Variants in AKAP7 observed in about 807,000 individuals in gnomAD.
The protein encoded by AKAP7 is A-kinase anchoring protein 7.
Under a neutral mutation model 39.5 loss-of-function variants are expected in AKAP7, and 39 were observed. That is an observed-to-expected ratio of 0.99 (90% CI 0.76 to 1.29). The LOEUF is 1.29. Ranked by LOEUF, AKAP7 falls within the 50% of genes most tolerant of loss-of-function variation. The pLI, the probability that AKAP7 is intolerant of heterozygous loss-of-function variation, is 0.00. For missense variants in AKAP7, 414 were observed against 407.7 expected (o/e 1.02, Z -0.13); for synonymous variants, 140 against 139.1 (o/e 1.01, Z -0.05).
At chr6:131,223,586 TG>T (rs1809892347) in intron 7 of AKAP7, among the ~76,000 whole-genome samples, 1 of 152,188 alleles carries the variant, frequency 6.6e-6, no homozygotes, top group Non-Finnish European at 1.5e-5. Context: ...CAAGTTTTGA[TG>T]AGGACCAAAC....
intron 7 of AKAP7, among the ~76,000 whole-genome samples, chr6:131,275,705 A>G (rs1364264616): frequency 1.3e-5 from 2 of 152,188 alleles, no homozygotes; most frequent in East Asian, 1.9e-4. Flanking sequence ...TGTGGAGGGC[A>G]CAAGTCACAG....
At chr6:131,265,366 C>A (rs913248282) in intron 7 of AKAP7, among the ~76,000 whole-genome samples, 1 of 152,224 alleles carries the variant, frequency 6.6e-6, no homozygotes, top group Admixed American at 6.5e-5. Context: ...AGCTCCTGAC[C>A]TCAAGTGATC....
At position 131,135,494 on chromosome 6, in the gene AKAP7, A is replaced by ATGCGGGTGC. The variant is rs924318481; in HGVS notation, c.-264_-256dup. On this transcript the variant is annotated 5_prime_UTR_variant, in exon 1 of 8. Coordinates refer to ENST00000431975, the MANE Select transcript of AKAP7 (RefSeq NM_016377.4). ...GGCTTGTTCCGGCGTCCGGCCTGGC[A>ATGCGGGTGC]TGCGGGTGCTGCGGCTGCTGCGGCT... is the stretch of plus-strand genomic sequence containing the variant. Among the ~76,000 whole-genome samples, 15 of 149,062 alleles carry ATGCGGGTGC rather than the reference A, an allele frequency of 1.0e-4. No individual in the cohort carries two copies. The highest frequency in any genetic ancestry group is 3.6e-3 in the Middle Eastern group (1 of 280).
intron 7 of AKAP7, among the ~76,000 whole-genome samples, chr6:131,258,595 C>A (rs907488633): frequency 6.6e-6 from 1 of 152,154 alleles, no homozygotes; most frequent in African/African-American, 2.4e-5. Flanking sequence ...AGTTAACAGA[C>A]CTTGAAACTA....
intron 5 of AKAP7, among the ~76,000 whole-genome samples, chr6:131,170,753 T>C (rs1234403977): frequency 6.6e-6 from 1 of 152,228 alleles, no homozygotes; most frequent in Non-Finnish European, 1.5e-5. Context: ...TTTGTGAATG[T>C]CAGTGTTTAT....
chr6:131,165,282 C>T (rs893619194), intron 4 of AKAP7, 65 bp downstream of exon 4: 3 of 1,226,798 alleles, frequency 2.4e-6, no homozygotes, highest in Admixed American at 4.5e-5. Flanking sequence ...GTAAGCACAG[C>T]AGAACCCAAA....
chr6:131,142,548 T>G (rs1183479140), intron 1 of AKAP7, among the ~76,000 whole-genome samples: 2 of 152,150 alleles, frequency 1.3e-5, no homozygotes, highest in African/African-American at 4.8e-5. Flanking sequence ...AGATTTCAGA[T>G]GATGTACCAG....
intron 7 of AKAP7, among the ~76,000 whole-genome samples, chr6:131,246,735 G>A (rs2128316506): frequency 6.6e-6 from 1 of 152,298 alleles, no homozygotes; most frequent in Non-Finnish European, 1.5e-5. Context: ...TACTCTAGCA[G>A]CATTAGTAAA....
chr6:131,221,176 G>T (rs540317414), intron 7 of AKAP7, among the ~76,000 whole-genome samples: 1 of 152,332 alleles, frequency 6.6e-6, no homozygotes, highest in Non-Finnish European at 1.5e-5. Flanking sequence ...AAAAGAAAGT[G>T]AATTAGCCTT....
chr6:131,147,969 A>G (rs1801610620), intron 2 of AKAP7, among the ~76,000 whole-genome samples: 1 of 152,230 alleles, frequency 6.6e-6, no homozygotes, highest in African/African-American at 2.4e-5. Flanking sequence ...TGTAGTCACC[A>G]TATTCTTATA....
chr6:131,143,534 C>A (rs541102675), intron 1 of AKAP7, among the ~76,000 whole-genome samples: 1 of 152,240 alleles, frequency 6.6e-6, no homozygotes, highest in African/African-American at 2.4e-5. Context: ...GTGCAGCCTG[C>A]AGAACTGGGA....
At chr6:131,169,054 T>G in intron 4 of AKAP7, 59 bp from the exon 5 acceptor site, 1 of 1,400,484 alleles carries the variant, frequency 7.1e-7, no homozygotes, top group Non-Finnish European at 9.9e-7. Flanking sequence ...TGTATCTTAT[T>G]TGGTTTTGTA....
chr6:131,196,820 T>A (rs1425422074), intron 5 of AKAP7, among the ~76,000 whole-genome samples: 2 of 152,180 alleles, frequency 1.3e-5, no homozygotes. Context: ...CATTCTAATT[T>A]GATGCTTGTG....
intron 4 of AKAP7, among the ~76,000 whole-genome samples, chr6:131,166,965 T>G (rs1246826633): frequency 6.6e-6 from 1 of 152,120 alleles, no homozygotes; most frequent in African/African-American, 2.4e-5. Flanking sequence ...AAAAAATCAT[T>G]AATTTCTTGA....
chr6:131,129,024 C>A, the AKAP7 span, among the ~76,000 whole-genome samples: 2 of 151,932 alleles, frequency 1.3e-5, no homozygotes, highest in East Asian at 1.9e-4. Context: ...CGGTGGCTCA[C>A]GCCTGTAATC....
intron 6 of AKAP7, among the ~76,000 whole-genome samples, chr6:131,209,410 C>T (rs906919366): frequency 6.6e-6 from 1 of 151,954 alleles, no homozygotes; most frequent in African/African-American, 2.4e-5. Context: ...GCCACCATGC[C>T]CGGCTAATTT....
chr6:131,278,657 A>C (rs1484418471), intron 7 of AKAP7, among the ~76,000 whole-genome samples: 1 of 152,156 alleles, frequency 6.6e-6, no homozygotes, highest in African/African-American at 2.4e-5. Context: ...AGCAGGAGGA[A>C]GGGAGAAAAT....
At chr6:131,280,050 C>T (rs1406988744) in intron 7 of AKAP7, among the ~76,000 whole-genome samples, 2 of 152,188 alleles carry the variant, frequency 1.3e-5, no homozygotes, top group African/African-American at 4.8e-5. Context: ...CCCAACATGA[C>T]ATTACCAATG....
In AKAP7 at chr6:131,169,169, A is replaced by G. The variant is rs746198952; in HGVS notation, c.485A>G (p.Lys162Arg). 6.2e-7 allele frequency: 1 copy of G among 1,614,016 alleles called. No homozygotes were observed. The highest frequency in any genetic ancestry group is 1.1e-5 in the South Asian group (1 of 91,078). The change falls in exon 5 of 8, where the codon AAA becomes AGA. Residue 162 changes from lysine to arginine, a missense_variant. By Grantham distance (26) the Lys-to-Arg change is conservative. Coordinates refer to ENST00000431975, the MANE Select transcript of AKAP7 (RefSeq NM_016377.4). Reference sequence around the variant, plus strand: ...TTCATAGAAGAACTCCTCCAGGGAAAACATTTGACTTTGCCCTTTCAAGGG... The same window carrying G: ...TTCATAGAAGAACTCCTCCAGGGAAGACATTTGACTTTGCCCTTTCAAGGG... The part of the protein sequence containing the change: ...KPFIEELLQG[K>R]HLTLPFQGIG...
Sources: allele counts gnomAD v4.1 joint callset (sites outside exome capture counted in the v4.1 genomes callset), GRCh38; gene constraint gnomAD v4.1.1; transcripts MANE v1.5; gene names NCBI Gene and HGNC (gene_info 2026-07-23, HGNC 2026-07-21).